The following ARHGAP26 variants were observed in gnomAD, a reference collection of about 807,000 sequenced individuals.
ARHGAP26 encodes the protein Rho GTPase activating protein 26, also known as rho GTPase-activating protein 26.
ARHGAP26 carries 38 observed loss-of-function variants against 104.8 expected under a neutral mutation model. The ratio of observed to expected loss-of-function variants is 0.36; its 90% CI spans 0.28 to 0.48. The LOEUF is 0.48. Among genes scored for constraint, ARHGAP26 ranks in the 20% least tolerant of loss-of-function variants. The probability of loss-of-function intolerance (pLI) is 0.99; values close to 1 mark genes in which losing one functional copy is unlikely to be tolerated. For synonymous variants in ARHGAP26, 341 were observed against 340.0 expected (o/e 1.00, Z -0.03); for missense variants, 704 against 947.9 (o/e 0.74, Z 3.38).
At chr5:143,116,526 A>G (rs1038905880) in intron 17 of ARHGAP26, among the ~76,000 whole-genome samples, 8 of 152,208 alleles carry the variant, frequency 5.3e-5, no homozygotes, top group African/African-American at 1.9e-4. Flanking sequence ...CTTAGCACTT[A>G]TAGAGCTCTG....
At chr5:142,933,991 T>C (rs1239622681) in intron 11 of ARHGAP26, among the ~76,000 whole-genome samples, 1 of 152,184 alleles carries the variant, frequency 6.6e-6, no homozygotes, top group East Asian at 1.9e-4. Flanking sequence ...CTTCAACTCA[T>C]AGGGGAGGAA....
intron 17 of ARHGAP26, among the ~76,000 whole-genome samples, chr5:143,062,680 G>C (rs1264795656): frequency 2.0e-5 from 3 of 152,144 alleles, no homozygotes; most frequent in Admixed American, 6.5e-5. Context: ...GTCTTGCCAG[G>C]CATTGGCACC....
chr5:142,838,117 C>T (rs1218714668), intron 1 of ARHGAP26, among the ~76,000 whole-genome samples: 2 of 151,986 alleles, frequency 1.3e-5, no homozygotes, highest in South Asian at 2.1e-4. Context: ...ATTAGCTGGG[C>T]ATAGTGGGTG....
intron 11 of ARHGAP26, among the ~76,000 whole-genome samples, chr5:142,954,062 G>T (rs1042705537): frequency 4.6e-5 from 7 of 152,192 alleles, no homozygotes; most frequent in African/African-American, 1.7e-4. Context: ...GAGCAAAGGC[G>T]TTTTTAAGCG....
At chr5:142,844,589 G>T (rs762877824) in intron 1 of ARHGAP26, among the ~76,000 whole-genome samples, 2 of 151,948 alleles carry the variant, frequency 1.3e-5, no homozygotes. Flanking sequence ...TTTAGGCTGG[G>T]CGTAGTGGCT....
At chr5:143,215,283 A>G (rs562046820) in intron 22 of ARHGAP26, among the ~76,000 whole-genome samples, 11 of 152,358 alleles carry the variant, frequency 7.2e-5, no homozygotes, top group African/African-American at 2.4e-4. Context: ...CTAAGTCCCA[A>G]TTCACTGCTC....
chr5:143,142,807 T>C (rs1798721051), intron 19 of ARHGAP26, among the ~76,000 whole-genome samples: 1 of 152,224 alleles, frequency 6.6e-6, no homozygotes, highest in Non-Finnish European at 1.5e-5. Flanking sequence ...TGTGCTATTA[T>C]CATCCCATCT....
At chr5:143,222,301 C>G in intron 22 of ARHGAP26, 57 bp from the exon 23 acceptor site, 2 of 1,290,438 alleles carry the variant, frequency 1.5e-6, no homozygotes, top group Non-Finnish European at 1.1e-6. Context: ...CACACATCTG[C>G]CGCCTGCTCT....
At chr5:142,993,209 C>A (rs537824469) in intron 11 of ARHGAP26, among the ~76,000 whole-genome samples, 3 of 144,004 alleles carry the variant, frequency 2.1e-5, no homozygotes, top group African/African-American at 7.8e-5. Context: ...GTCGCCCAGG[C>A]CGGACTGCGG....
chr5:142,985,421 C>G (rs1774548423), intron 11 of ARHGAP26, among the ~76,000 whole-genome samples: 1 of 152,078 alleles, frequency 6.6e-6, no homozygotes, highest in Non-Finnish European at 1.5e-5. Context: ...CATGTTCACC[C>G]ACTAATCACT....
chr5:142,933,289 C>T (rs950053102), intron 11 of ARHGAP26, among the ~76,000 whole-genome samples: 6 of 152,294 alleles, frequency 3.9e-5, no homozygotes, highest in African/African-American at 9.6e-5. Context: ...ATGTTAGGCA[C>T]AGGACTGAGC....
intron 17 of ARHGAP26, among the ~76,000 whole-genome samples, chr5:143,106,453 A>G (rs1341519463): frequency 6.7e-6 from 1 of 148,778 alleles, no homozygotes; most frequent in Non-Finnish European, 1.5e-5. Flanking sequence ...CCTTTGGAAT[A>G]CAATGCATTG....
intron 1 of ARHGAP26, among the ~76,000 whole-genome samples, chr5:142,851,932 G>T (rs1256486455): frequency 6.6e-6 from 1 of 152,188 alleles, no homozygotes. Flanking sequence ...GCTATTTCCA[G>T]GGTTCACTCT....
At chr5:143,074,419 T>A (rs562227150) in intron 17 of ARHGAP26, among the ~76,000 whole-genome samples, 10 of 152,328 alleles carry the variant, frequency 6.6e-5, no homozygotes, top group African/African-American at 2.4e-4. Flanking sequence ...TGCCCAGGTC[T>A]GCTAGAGAAG....
intron 17 of ARHGAP26, among the ~76,000 whole-genome samples, chr5:143,113,199 G>A (rs1051465178): frequency 6.6e-6 from 1 of 152,236 alleles, no homozygotes; most frequent in Non-Finnish European, 1.5e-5. Context: ...TATATGCAAA[G>A]AGGTATCTTG....
chr5:143,129,442 A>G (rs1262709080), intron 18 of ARHGAP26, among the ~76,000 whole-genome samples: 2 of 152,228 alleles, frequency 1.3e-5, no homozygotes, highest in Non-Finnish European at 2.9e-5. Flanking sequence ...TCACAGCGCT[A>G]GTAAGTGACT....
intron 17 of ARHGAP26, among the ~76,000 whole-genome samples, chr5:143,094,892 G>C (rs1252206556): frequency 6.6e-6 from 1 of 152,066 alleles, no homozygotes. Flanking sequence ...GAGTCAGGGT[G>C]GAGTAGGTAA....
chr5:143,107,414 A>C (rs1794175037), intron 17 of ARHGAP26, among the ~76,000 whole-genome samples: 1 of 152,042 alleles, frequency 6.6e-6, no homozygotes, highest in Non-Finnish European at 1.5e-5. Context: ...TCTGCTGGGA[A>C]TTGTGCATCA....
intron 11 of ARHGAP26, among the ~76,000 whole-genome samples, chr5:143,000,732 A>C (rs1777082820): frequency 6.6e-6 from 1 of 152,248 alleles, no homozygotes; most frequent in Middle Eastern, 3.2e-3. Context: ...TTGCAGGGAC[A>C]TGGATAAAGC....
Sources: gnomAD v4.1 joint callset for allele counts (sites outside exome capture counted in the v4.1 genomes callset) on GRCh38, gnomAD v4.1.1 for gene constraint, MANE v1.5 for transcripts, NCBI Gene and HGNC (gene_info 2026-07-23, HGNC 2026-07-21) for gene names.